The following TPO variants were observed in gnomAD, a reference collection of about 807,000 sequenced individuals.
TPO encodes thyroid microsomal antigen.
Under a neutral mutation model 96.9 loss-of-function variants are expected in TPO, and 78 were observed. The observed-to-expected ratio is 0.81, with a 90% CI of 0.67 to 0.97. TPO has a LOEUF of 0.97. Ranked by LOEUF, TPO falls within the 50% of genes least tolerant of loss-of-function variation. The pLI, the probability that TPO is intolerant of heterozygous loss-of-function variation, is 0.00. For synonymous variants in TPO, 547 were observed against 538.0 expected, an observed-to-expected ratio of 1.02 and a Z score of -0.23; for missense variants, 1,252 against 1,274.8, an observed-to-expected ratio of 0.98 and a Z score of 0.27.
intron 15 of TPO, among the ~76,000 whole-genome samples, chr2:1,535,727 G>C (rs1439167663): frequency 1.4e-5 from 1 of 71,678 alleles, no homozygotes; most frequent in African/African-American, 5.2e-5. Flanking sequence ...TCCACCCAGT[G>C]TGTGCAACCT....
chr2:1,539,227 C>T (rs1335853405), intron 15 of TPO, among the ~76,000 whole-genome samples: 1 of 152,284 alleles, frequency 6.6e-6, no homozygotes, highest in Non-Finnish European at 1.5e-5. Flanking sequence ...CGCACGAACA[C>T]CTGACCTTCA....
rs28915688 is a variant in TPO, at chr2:1,542,587, G to A, written c.*113G>A. 1,397 of 1,564,486 alleles carry A rather than the reference G, an allele frequency of 8.9e-4. 13 individuals are homozygous for A. The African/African-American group carries it at 0.016, about 18-fold the overall frequency. ...AGCAGGACGACTGTTTTCCCAACACGGGTAAATCTAGTACCATGTCGTAGT... is the reference window on the plus strand; with the variant it reads ...AGCAGGACGACTGTTTTCCCAACACAGGTAAATCTAGTACCATGTCGTAGT... On this transcript the variant is annotated 3_prime_UTR_variant, in exon 17 of 17. Transcript: ENST00000329066.
rs1672308381 is a variant in TPO, at chr2:1,496,138, A to C, written c.2156A>C (p.Glu719Ala). The C allele has an allele frequency of 6.2e-7, 1 of 1,613,984 alleles. No individual in the cohort carries two copies. ...GTCGGCAAATTCCCCGAAGACTTTGAGTCTTGTGACAGCATCACTGGCATG... is the reference window on the plus strand; with the variant it reads ...GTCGGCAAATTCCCCGAAGACTTTGCGTCTTGTGACAGCATCACTGGCATG... ...FQVGKFPEDF[E>A]SCDSITGMNL... The change falls in exon 12 of 17, where the codon GAG (glutamate) becomes GCG (alanine). Residue 719 changes from glutamate (E) to alanine (A), a missense_variant. Physicochemically the swap from Glu to Ala is moderately radical, Grantham distance 107. Coordinates refer to ENST00000329066, the MANE Select transcript of TPO (RefSeq NM_001206744.2).
intron 1 of TPO, among the ~76,000 whole-genome samples, chr2:1,386,488 TC>T (rs540522485): frequency 0.012 from 1,782 of 152,322 alleles, 39 homozygotes; most frequent in African/African-American, 0.041. Context: ...TCTCTTTTGA[TC>T]TTTGTTGGTT....
chr2:1,423,203 G>GTGGAT, intron 3 of TPO, 74 bp downstream of exon 3: 1 of 1,467,808 alleles, frequency 6.8e-7, no homozygotes, highest in Non-Finnish European at 9.4e-7. Flanking sequence ...ACACACGTGT[G>GTGGAT]GCCTGATTTT....
At chr2:1,439,183 C>T (rs1323917509) in intron 5 of TPO, 12 of 262,770 alleles carry the variant, frequency 4.6e-5, no homozygotes, top group East Asian at 1.5e-4. Flanking sequence ...AGCTGCTGGG[C>T]GGGCTCCACT....
In TPO at chr2:1,477,624, G is replaced by A. The variant is rs1670104791; in HGVS notation, c.1338+20G>A. The A allele has an allele frequency of 1.3e-6, 2 of 1,484,918 alleles. No homozygotes were observed. The highest frequency in any genetic ancestry group is 2.9e-5 in the African/African-American group (2 of 69,038). 92.0% of individuals were successfully genotyped at this position (1,484,918 alleles called of 1,614,324 possible). A position where few individuals can be genotyped will look rare whatever the true frequency, so the allele number is the denominator to read the frequency against. ...CACCAGGTGCGCGGGGTGGTCCTGG[G>A]CGCCCTGGGTGGCTGCGGGCAAAGC... On this transcript the variant is annotated intron_variant, in intron 8 of 16. Transcript: ENST00000329066.
At chr2:1,450,952 T>A (rs1667254383) in intron 5 of TPO, among the ~76,000 whole-genome samples, 1 of 152,212 alleles carries the variant, frequency 6.6e-6, no homozygotes, top group African/African-American at 2.4e-5. Flanking sequence ...CATACATTTT[T>A]GCAAATTGAG....
rs149939302 is a variant in TPO at position 1,481,594 on chromosome 2, C to T, written c.1339-3002C>T. 4.4e-4 allele frequency among the ~76,000 whole-genome samples: 67 copies of T among 152,256 alleles called. 1 individual carries two copies. In the East Asian group the frequency reaches 9.3e-3, roughly 21 times the overall value. On this transcript the variant is annotated intron_variant, in intron 8 of 16. Coordinates refer to ENST00000329066, the MANE Select transcript of TPO (RefSeq NM_001206744.2). ...ATCCCGGGCAGGCAGATCCATGTCT[C>T]GGGGCAGGGGCTGCATCCCTGGGCC...
At chr2:1,541,168 A>G in intron 16 of TPO, 2 of 1,171,662 alleles carry the variant, frequency 1.7e-6, no homozygotes, top group South Asian at 1.7e-5. Context: ...CATATCAAAA[A>G]CTCACTTGTG....
chr2:1,464,003 A>T (rs1668673027), intron 7 of TPO, among the ~76,000 whole-genome samples: 2 of 152,144 alleles, frequency 1.3e-5, no homozygotes, highest in African/African-American at 4.8e-5. Context: ...TCACCCAAGC[A>T]GTATACACTG....
At chr2:1,456,024 C>T in intron 6 of TPO, 52 bp from the exon 7 acceptor site, 6 of 1,568,670 alleles carry the variant, frequency 3.8e-6, no homozygotes, top group Non-Finnish European at 5.2e-6. Context: ...GGTCATCTTT[C>T]TGCTACCACA....
At chr2:1,429,836 C>T (rs1204475216) in intron 3 of TPO, among the ~76,000 whole-genome samples, 1 of 152,188 alleles carries the variant, frequency 6.6e-6, no homozygotes, top group East Asian at 1.9e-4. Flanking sequence ...GGTCTGGCTT[C>T]TTCTAACAAC....
rs138348300 is a variant in TPO at position 1,435,971 on chromosome 2, C to G, written c.350-281C>G. On this transcript the variant is annotated intron_variant, in intron 4 of 16. Transcript: ENST00000329066. ...CTGCAAAGTTACTTGCTGGCTTATC[C>G]CCCTGAGGGCTGAGAGCTCCTAGAT... Among the ~76,000 whole-genome samples, 1,151 of 152,222 alleles carry G rather than the reference C, an allele frequency of 7.6e-3. 5 individuals are homozygous for G. Among genetic ancestry groups the G allele is most frequent in the Non-Finnish European group, 0.013 (898 of 68,008 alleles).
At chr2:1,515,672 A>G (rs1674621615) in intron 14 of TPO, among the ~76,000 whole-genome samples, 1 of 152,114 alleles carries the variant, frequency 6.6e-6, no homozygotes, top group African/African-American at 2.4e-5. Flanking sequence ...CAAATGAGAC[A>G]CACCTGCAAA....
chr2:1,528,064 A>AC (rs113433033), intron 15 of TPO, among the ~76,000 whole-genome samples: 58 of 126,026 alleles, frequency 4.6e-4, no homozygotes, highest in Admixed American at 8.0e-4. Context: ...ACTGTGTGCA[A>AC]CCCCCCCAGA....
chr2:1,478,150 T>C lies in TPO; in HGVS notation c.1338+546T>C, dbSNP rs556657066. On this transcript the variant is annotated intron_variant, in intron 8 of 16. Transcript: ENST00000329066. The stretch of plus-strand genomic sequence containing the variant: ...AACAAGTTAGAGTCTATTTGAAACC[T>C]TTCTTCATTTTATGACTTTCTTAAG... 115 of 985,032 alleles carry C rather than the reference T, an allele frequency of 1.2e-4. No individual in the cohort carries two copies. In the South Asian group the frequency reaches 4.0e-3, roughly 34 times the overall value. 61.0% of individuals were successfully genotyped at this position (985,032 alleles called of 1,614,324 possible). A position where few individuals can be genotyped will look rare whatever the true frequency, so the allele number is the denominator to read the frequency against.
At chr2:1,541,206 CAGAGAGCAGAACAGTG>C in intron 16 of TPO, 1 of 1,167,400 alleles carries the variant, frequency 8.6e-7, no homozygotes, top group Middle Eastern at 3.9e-4. Flanking sequence ...CTGAGAGAAG[CAGAGAGCAGAACAGTG>C]GCCTCCAGAG....
chr2:1,488,822 T>A (rs1671420097), intron 10 of TPO, among the ~76,000 whole-genome samples: 1 of 152,152 alleles, frequency 6.6e-6, no homozygotes. Context: ...CATCCCTGTC[T>A]TCCTCACCAG....
Sources: gnomAD v4.1 joint callset for allele counts (sites outside exome capture counted in the v4.1 genomes callset) on GRCh38, gnomAD v4.1.1 for gene constraint, MANE v1.5 for transcripts, NCBI Gene and HGNC (gene_info 2026-07-23, HGNC 2026-07-21) for gene names.